Variants in FBXO4 observed in about 807,000 individuals in gnomAD.
The protein encoded by FBXO4 is F-box protein 4, also known as F-box only protein 4.
FBXO4 carries 36 observed loss-of-function variants against 43.7 expected under a neutral mutation model. The observed-to-expected ratio is 0.82, with a 90% CI of 0.63 to 1.09. The LOEUF is 1.09. Among genes scored for constraint, FBXO4 ranks in the 50% least tolerant of loss-of-function variants. The pLI is 0.00. For missense variants in FBXO4, 435 were observed against 474.1 expected, an observed-to-expected ratio of 0.92 and a Z score of 0.77; for synonymous variants, 180 against 165.6, an observed-to-expected ratio of 1.09 and a Z score of -0.67.
chr5:41,993,706 G>A, the FBXO4 span, among the ~76,000 whole-genome samples: 1 of 151,002 alleles, frequency 6.6e-6, no homozygotes, highest in African/African-American at 2.4e-5. Context: ...ATGATCACAA[G>A]GTTCCACAAT....
chr5:41,953,777 T>C, the FBXO4 span, among the ~76,000 whole-genome samples: 1 of 151,932 alleles, frequency 6.6e-6, no homozygotes, highest in Non-Finnish European at 1.5e-5. Flanking sequence ...ATGTGTCTTT[T>C]GGCTGCATAA....
At chr5:42,020,295 C>T in the FBXO4 span, among the ~76,000 whole-genome samples, 1 of 152,132 alleles carries the variant, frequency 6.6e-6, no homozygotes, top group Non-Finnish European at 1.5e-5. Context: ...GATCTAATAT[C>T]AATCAAGTAA....
the FBXO4 span, among the ~76,000 whole-genome samples, chr5:41,978,704 A>T: frequency 6.6e-6 from 1 of 152,098 alleles, no homozygotes; most frequent in Admixed American, 6.5e-5. Flanking sequence ...ACTTTCCCAA[A>T]TTTTTTCTTT....
At chr5:42,021,254 G>A in the FBXO4 span, among the ~76,000 whole-genome samples, 1 of 152,138 alleles carries the variant, frequency 6.6e-6, no homozygotes, top group Non-Finnish European at 1.5e-5. Flanking sequence ...GTAGTGGCTT[G>A]GATTAAGTGG....
At chr5:42,025,966 A>G in the FBXO4 span, among the ~76,000 whole-genome samples, 3 of 151,970 alleles carry the variant, frequency 2.0e-5, no homozygotes, top group Non-Finnish European at 4.4e-5. Flanking sequence ...ATTTGAAGTC[A>G]GGTAATGTGA....
intron 2 of FBXO4, among the ~76,000 whole-genome samples, chr5:41,928,325 A>C (rs1488772667): frequency 1.3e-5 from 2 of 150,850 alleles, no homozygotes; most frequent in African/African-American, 2.4e-5. Flanking sequence ...ACCCTGAGTT[A>C]TTTCTTTCTT....
chr5:41,995,606 G>A, the FBXO4 span, among the ~76,000 whole-genome samples: 1 of 152,066 alleles, frequency 6.6e-6, no homozygotes, highest in Admixed American at 6.5e-5. Context: ...GAGGCTGAGT[G>A]GTGTCCACAG....
the FBXO4 span, among the ~76,000 whole-genome samples, chr5:41,953,820 C>T: frequency 6.6e-6 from 1 of 151,834 alleles, no homozygotes; most frequent in Non-Finnish European, 1.5e-5. Flanking sequence ...TGTTCATATC[C>T]TTTGCCCACT....
the FBXO4 span, among the ~76,000 whole-genome samples, chr5:41,953,346 A>T: frequency 6.6e-6 from 1 of 151,558 alleles, no homozygotes; most frequent in African/African-American, 2.4e-5. Context: ...TTATGGCTGC[A>T]TAGTATTCCG....
the FBXO4 span, among the ~76,000 whole-genome samples, chr5:42,000,248 A>G: frequency 8.5e-5 from 13 of 152,198 alleles, no homozygotes; most frequent in East Asian, 3.8e-4. Flanking sequence ...TGTTGATTCC[A>G]TATCTTGGCT....
the FBXO4 span, among the ~76,000 whole-genome samples, chr5:41,974,012 T>G: frequency 2.0e-5 from 3 of 152,224 alleles, no homozygotes; most frequent in Non-Finnish European, 4.4e-5. Context: ...AATTCTGGGT[T>G]GAGAATTTTT....
the FBXO4 span, among the ~76,000 whole-genome samples, chr5:41,964,631 C>A: frequency 6.9e-6 from 1 of 144,306 alleles, no homozygotes; most frequent in East Asian, 2.1e-4. Flanking sequence ...TAAGATACAT[C>A]AAAGATGATG....
At chr5:41,969,620 T>C in the FBXO4 span, among the ~76,000 whole-genome samples, 1 of 152,196 alleles carries the variant, frequency 6.6e-6, no homozygotes, top group African/African-American at 2.4e-5. Context: ...ATTGAGGATG[T>C]TGACAGTTTT....
At chr5:41,967,500 ATAT>A in the FBXO4 span, 13 of 715,162 alleles carry the variant, frequency 1.8e-5, no homozygotes, top group Non-Finnish European at 2.7e-5. Flanking sequence ...TATCAATGAG[ATAT>A]TATAACAGTG....
At chr5:42,005,893 A>G in the FBXO4 span, among the ~76,000 whole-genome samples, 2 of 152,096 alleles carry the variant, frequency 1.3e-5, no homozygotes, top group Non-Finnish European at 2.9e-5. Flanking sequence ...GTGACCCGCT[A>G]TTGCCTATCA....
the FBXO4 span, among the ~76,000 whole-genome samples, chr5:42,031,467 G>T: frequency 6.9e-6 from 1 of 145,716 alleles, no homozygotes; most frequent in African/African-American, 2.5e-5. Context: ...TGTGGAGTGG[G>T]GGGAGGGGGG....
At chr5:41,990,882 T>C in the FBXO4 span, among the ~76,000 whole-genome samples, 1 of 152,214 alleles carries the variant, frequency 6.6e-6, no homozygotes, top group Admixed American at 6.5e-5. Flanking sequence ...CCAAAGAATA[T>C]GCATTTTCTG....
intron 3 of FBXO4, 162 bp downstream of exon 3, chr5:41,930,079 T>A (rs1478107082): frequency 1.7e-6 from 1 of 572,304 alleles, no homozygotes; most frequent in Non-Finnish European, 3.0e-6. Context: ...AGAATTAATT[T>A]ACTTACTATA....
chr5:41,967,392 C>T, the FBXO4 span: 1 of 518,862 alleles, frequency 1.9e-6, no homozygotes, highest in Non-Finnish European at 3.8e-6. Flanking sequence ...ATTGCTTCTC[C>T]CTTGGTCATA....
Sources: allele counts gnomAD v4.1 joint callset (sites outside exome capture counted in the v4.1 genomes callset), GRCh38; gene constraint gnomAD v4.1.1; transcripts MANE v1.5; gene names NCBI Gene and HGNC (gene_info 2026-07-23, HGNC 2026-07-21).